TUSC3: variants seen among roughly 807,000 people sequenced by gnomAD.
The protein encoded by TUSC3 is dolichyl-diphosphooligosaccharide--protein glycosyltransferase subunit TUSC3.
Under a neutral mutation model 44.8 loss-of-function variants are expected in TUSC3, and 45 were observed. The ratio of observed to expected loss-of-function variants is 1.00; its 90% CI spans 0.79 to 1.29. The LOEUF is 1.29. TUSC3 is among the 50% of genes most tolerant of loss of function. TUSC3 has a pLI of 0.00. For missense variants in TUSC3, 519 were observed against 437.9 expected (o/e 1.19, Z -1.65); for synonymous variants, 212 against 152.9 (o/e 1.39, Z -2.85).
intron 2 of TUSC3, among the ~76,000 whole-genome samples, chr8:15,517,861 C>A (rs1415710936): frequency 6.6e-6 from 1 of 151,794 alleles, no homozygotes; most frequent in Admixed American, 6.6e-5. Context: ...TGATATAATT[C>A]ACATACCACA....
At chr8:15,465,479 A>G (rs1033633144) in intron 1 of TUSC3, among the ~76,000 whole-genome samples, 2 of 152,202 alleles carry the variant, frequency 1.3e-5, no homozygotes, top group Non-Finnish European at 2.9e-5. Flanking sequence ...TATACCAACA[A>G]TGATCAACAA....
intron 2 of TUSC3, among the ~76,000 whole-genome samples, chr8:15,530,007 G>C (rs1011175560): frequency 7.3e-6 from 1 of 137,524 alleles, no homozygotes; most frequent in Non-Finnish European, 1.6e-5. Context: ...GGATGGTCTC[G>C]ATCTCCTGAC....
intron 1 of TUSC3, among the ~76,000 whole-genome samples, chr8:15,464,999 G>A (rs1413779721): frequency 2.0e-5 from 3 of 152,042 alleles, no homozygotes; most frequent in Non-Finnish European, 4.4e-5. Context: ...ACAGGCACCT[G>A]CCACCATGCC....
At chr8:15,576,519 A>C (rs932745657) in intron 1 of TUSC3, among the ~76,000 whole-genome samples, 11 of 130,762 alleles carry the variant, frequency 8.4e-5, no homozygotes, top group Admixed American at 6.2e-4. Flanking sequence ...TGTCCATGTG[A>C]TCTCATTGTT....
intron 1 of TUSC3, among the ~76,000 whole-genome samples, chr8:15,610,484 C>T (rs1166567489): frequency 1.3e-5 from 2 of 152,052 alleles, no homozygotes; most frequent in East Asian, 3.8e-4. Flanking sequence ...GAAATACTAG[C>T]AAACTTGATT....
At chr8:15,518,567 C>A (rs1801252920) in intron 2 of TUSC3, among the ~76,000 whole-genome samples, 1 of 152,092 alleles carries the variant, frequency 6.6e-6, no homozygotes, top group Non-Finnish European at 1.5e-5. Context: ...TATGAAAATA[C>A]AATCTCAGCT....
chr8:15,583,561 C>T (rs994599252), intron 1 of TUSC3, among the ~76,000 whole-genome samples: 5 of 152,036 alleles, frequency 3.3e-5, no homozygotes, highest in African/African-American at 1.2e-4. Flanking sequence ...AACTAGATCC[C>T]GTGGATGGTA....
In TUSC3 at chr8:15,483,779, C is replaced by A. The variant is rs564947953; in HGVS notation, n.189+296C>A. Among the ~76,000 whole-genome samples, 7 of 151,380 alleles carry A rather than the reference C, an allele frequency of 4.6e-5. No individual in the cohort carries two copies. In the East Asian group the frequency reaches 1.4e-3, roughly 30 times the overall value. On this transcript the variant is annotated intron_variant and non_coding_transcript_variant, in intron 2 of 5. Transcript: ENST00000503191. ...CATGCCATTCTCCTGCCTCAGCCTCCCGAGTAGCTGGGACTACAGGCGCCA... is the reference window on the plus strand; with the variant it reads ...CATGCCATTCTCCTGCCTCAGCCTCACGAGTAGCTGGGACTACAGGCGCCA...
chr8:15,479,551 C>T (rs548863441), intron 1 of TUSC3, among the ~76,000 whole-genome samples: 7 of 151,986 alleles, frequency 4.6e-5, no homozygotes, highest in African/African-American at 7.2e-5. Flanking sequence ...ATCCTTTTCC[C>T]GTTGCTTATT....
chr8:15,662,761 C>G (rs890431676), intron 5 of TUSC3, among the ~76,000 whole-genome samples: 1 of 151,844 alleles, frequency 6.6e-6, no homozygotes, highest in Non-Finnish European at 1.5e-5. Context: ...TGTGGGGATA[C>G]AGAGTAATCA....
chr8:15,812,396 T>C, the TUSC3 span, among the ~76,000 whole-genome samples: 1 of 152,156 alleles, frequency 6.6e-6, no homozygotes, highest in African/African-American at 2.4e-5. Flanking sequence ...ACCAGGACCA[T>C]AATTTTGAGA....
intron 2 of TUSC3, among the ~76,000 whole-genome samples, chr8:15,534,423 C>G (rs1801494246): frequency 2.6e-5 from 4 of 152,030 alleles, no homozygotes; most frequent in Non-Finnish European, 4.4e-5. Context: ...GCGGGCAGAT[C>G]ACAAGGTCAG....
At chr8:15,617,668 G>A (rs140343612) in intron 1 of TUSC3, among the ~76,000 whole-genome samples, 2 of 152,148 alleles carry the variant, frequency 1.3e-5, no homozygotes, top group Admixed American at 1.3e-4. Context: ...TATGTTATTT[G>A]TGTACAGCTT....
chr8:15,451,098 T>G (rs1361695444), intron 1 of TUSC3, among the ~76,000 whole-genome samples: 1 of 152,298 alleles, frequency 6.6e-6, no homozygotes, highest in East Asian at 1.9e-4. Context: ...GTCATGACCC[T>G]GCATCCTAGC....
intron 2 of TUSC3, among the ~76,000 whole-genome samples, chr8:15,496,767 G>A (rs748948954): frequency 3.3e-5 from 5 of 152,058 alleles, no homozygotes; most frequent in African/African-American, 7.2e-5. Flanking sequence ...GTTTTAGCAC[G>A]GTCATTACAC....
intron 6 of TUSC3, among the ~76,000 whole-genome samples, chr8:15,717,403 C>A (rs1444209305): frequency 6.6e-6 from 1 of 152,002 alleles, no homozygotes; most frequent in African/African-American, 2.4e-5. Flanking sequence ...ACTGCTTTTA[C>A]TGAAATATGT....
chr8:15,443,259 G>C (rs62501882), intron 1 of TUSC3, among the ~76,000 whole-genome samples: 1 of 151,166 alleles, frequency 6.6e-6, no homozygotes, highest in African/African-American at 2.4e-5. Flanking sequence ...CTGCAGTCTC[G>C]AGCTCCTGGA....
chr8:15,792,130 AC>A, the TUSC3 span, among the ~76,000 whole-genome samples: 1 of 151,956 alleles, frequency 6.6e-6, no homozygotes, highest in African/African-American at 2.4e-5. Flanking sequence ...ACACACACAC[AC>A]ACACACACAC....
At chr8:15,627,022 TGTG>T (rs376610645) in intron 2 of TUSC3, among the ~76,000 whole-genome samples, 39 of 152,040 alleles carry the variant, frequency 2.6e-4, no homozygotes, top group African/African-American at 8.7e-4. Context: ...AGTGGGAAAG[TGTG>T]GTACTTTTTC....
Sources: gnomAD v4.1 joint callset for allele counts (sites outside exome capture counted in the v4.1 genomes callset) on GRCh38, gnomAD v4.1.1 for gene constraint, MANE v1.5 for transcripts, NCBI Gene and HGNC (gene_info 2026-07-23, HGNC 2026-07-21) for gene names.